Variants in MACO1 observed in about 807,000 individuals in gnomAD.
MACO1 encodes the protein macoilin 1, also known as macoilin.
Under a neutral mutation model 78.7 loss-of-function variants are expected in MACO1, and 14 were observed. The ratio of observed to expected loss-of-function variants is 0.18; its 90% CI spans 0.12 to 0.28. MACO1 has a LOEUF of 0.28. Ranked by LOEUF, MACO1 falls within the 10% of genes least tolerant of loss-of-function variation. The pLI, the probability that MACO1 is intolerant of heterozygous loss-of-function variation, is 1.00. For missense variants in MACO1, 501 were observed against 799.0 expected, an observed-to-expected ratio of 0.63 and a Z score of 4.50; for synonymous variants, 288 against 291.6, an observed-to-expected ratio of 0.99 and a Z score of 0.12.
At chr1:25,480,958 A>G (rs1216305275) in intron 6 of MACO1, among the ~76,000 whole-genome samples, 4 of 95,006 alleles carry the variant, frequency 4.2e-5, no homozygotes, top group East Asian at 3.7e-4. Flanking sequence ...ATATATATAT[A>G]TATATATATA....
At chr1:25,445,863 G>C (rs2043011320) in intron 1 of MACO1, among the ~76,000 whole-genome samples, 1 of 152,110 alleles carries the variant, frequency 6.6e-6, no homozygotes, top group Admixed American at 6.6e-5. Flanking sequence ...AGAATTGGCA[G>C]GATTAGGAGC....
chr1:25,499,524 G>A lies in MACO1; in HGVS notation c.*1058G>A, dbSNP rs2043569246. 6.7e-6 allele frequency: 1 copy of A among 148,276 alleles called. No individual in the cohort carries two copies. The highest frequency in any genetic ancestry group is 1.5e-5 in the Non-Finnish European group (1 of 67,502). The allele number at this position is 148,276 out of a possible 1,614,324, so 9.2% of individuals were successfully genotyped here. A position where few individuals can be genotyped will look rare whatever the true frequency, so the allele number is the denominator to read the frequency against. ...TCATTTTGTGTTTGATGATTTAAAA[G>A]AAGCTTGACTATTCCTCAGCTCTTG... On this transcript the variant is annotated 3_prime_UTR_variant, in exon 11 of 11. Coordinates refer to ENST00000374343, the MANE Select transcript of MACO1 (RefSeq NM_018202.6).
intron 6 of MACO1, among the ~76,000 whole-genome samples, chr1:25,475,466 C>G (rs1307429051): frequency 6.6e-6 from 1 of 150,632 alleles, no homozygotes; most frequent in Non-Finnish European, 1.5e-5. Flanking sequence ...AATCTGAACA[C>G]TTTGAGAGGC....
chr1:25,469,301 G>A (rs1043662496), intron 6 of MACO1, among the ~76,000 whole-genome samples: 4 of 152,186 alleles, frequency 2.6e-5, no homozygotes, highest in African/African-American at 9.6e-5. Context: ...TTAGTATTGT[G>A]TTGTCTGTGA....
At chr1:25,432,018 A>G (rs140623355) in intron 1 of MACO1, among the ~76,000 whole-genome samples, 2 of 152,140 alleles carry the variant, frequency 1.3e-5, no homozygotes, top group African/African-American at 2.4e-5. Context: ...GCAACTTACT[A>G]TCATAGCTTC....
chr1:25,475,550 C>CA (rs1162367298), intron 6 of MACO1, among the ~76,000 whole-genome samples: 1,732 of 56,922 alleles, frequency 0.03, 11 homozygotes, highest in Non-Finnish European at 0.047. Context: ...CCAGGCTCTA[C>CA]AAAAAAAAAA....
At chr1:25,446,077 TG>T (rs1431471498) in intron 1 of MACO1, among the ~76,000 whole-genome samples, 1 of 152,208 alleles carries the variant, frequency 6.6e-6, no homozygotes, top group Non-Finnish European at 1.5e-5. Flanking sequence ...CAGAGGGAAC[TG>T]GGAACACACA....
chr1:25,484,319 A>G, intron 7 of MACO1, 45 bp downstream of exon 7: 1 of 1,530,708 alleles, frequency 6.5e-7, no homozygotes, highest in Non-Finnish European at 8.8e-7. Context: ...CGGCAGCTTC[A>G]CTGCTTCTCC....
intron 1 of MACO1, among the ~76,000 whole-genome samples, chr1:25,444,496 C>G (rs549655506): frequency 4.6e-5 from 7 of 152,090 alleles, no homozygotes; most frequent in Middle Eastern, 3.2e-3. Context: ...GAAAAAAACT[C>G]TTAGTTTTAA....
intron 8 of MACO1, among the ~76,000 whole-genome samples, chr1:25,487,006 G>A (rs1385507203): frequency 1.3e-5 from 2 of 152,132 alleles, no homozygotes; most frequent in Non-Finnish European, 2.9e-5. Flanking sequence ...CACTCAGGAG[G>A]ACATAGCAGT....
chr1:25,451,795 G>T (rs2043068391), intron 3 of MACO1, among the ~76,000 whole-genome samples: 1 of 151,814 alleles, frequency 6.6e-6, no homozygotes, highest in South Asian at 2.1e-4. Flanking sequence ...AATCCCAGCT[G>T]CTCAGGAGGC....
intron 3 of MACO1, among the ~76,000 whole-genome samples, chr1:25,452,836 A>G (rs755546338): frequency 6.6e-6 from 1 of 151,258 alleles, no homozygotes; most frequent in African/African-American, 2.4e-5. Context: ...AACTGGAATT[A>G]CAGGTGTGCA....
intron 1 of MACO1, among the ~76,000 whole-genome samples, chr1:25,437,289 C>T (rs2042927304): frequency 1.4e-5 from 2 of 147,888 alleles, no homozygotes; most frequent in Admixed American, 6.8e-5. Flanking sequence ...CATATACTAC[C>T]ATGCCTGGCT....
chr1:25,456,527 C>T, intron 4 of MACO1, 126 bp from the exon 5 acceptor site: 2 of 969,928 alleles, frequency 2.1e-6, no homozygotes. Flanking sequence ...AGTGAATGCT[C>T]TTCTCAACTA....
At chr1:25,473,615 A>C (rs1179552638) in intron 6 of MACO1, among the ~76,000 whole-genome samples, 3 of 152,224 alleles carry the variant, frequency 2.0e-5, no homozygotes, top group African/African-American at 7.2e-5. Context: ...GCTTTGTGTT[A>C]AATTCTGAGT....
At chr1:25,474,471 T>A (rs1008667926) in intron 6 of MACO1, among the ~76,000 whole-genome samples, 1 of 152,238 alleles carries the variant, frequency 6.6e-6, no homozygotes, top group African/African-American at 2.4e-5. Context: ...CATATATTAA[T>A]GGGACCTTTT....
rs370496452 is a variant in MACO1 at position 25,471,671 on chromosome 1, G to A, written c.1155-12445G>A. 7.9e-5 allele frequency among the ~76,000 whole-genome samples: 12 copies of A among 152,270 alleles called. No homozygotes were observed. The East Asian group carries it at 1.9e-3, about 24-fold the overall frequency. On this transcript the variant is annotated intron_variant, in intron 6 of 10. Coordinates refer to ENST00000374343, the MANE Select transcript of MACO1 (RefSeq NM_018202.6). ...GGGAAAATACTAGGAAGCAGGGAGG[G>A]TGGCACCCAGTAATTTTATCACAGT...
intron 5 of MACO1, 53 bp from the exon 6 acceptor site, chr1:25,458,338 C>T (rs1396162196): frequency 1.3e-6 from 2 of 1,525,298 alleles, no homozygotes; most frequent in South Asian, 1.4e-5. Flanking sequence ...TGTTAAACAA[C>T]TAAATATTCC....
At chr1:25,455,259 ATAT>A (rs2043109338) in intron 4 of MACO1, among the ~76,000 whole-genome samples, 1 of 152,144 alleles carries the variant, frequency 6.6e-6, no homozygotes, top group Non-Finnish European at 1.5e-5. Context: ...GAATATTAAG[ATAT>A]TATTCATTTA....
Sources: gnomAD v4.1 joint callset for allele counts (sites outside exome capture counted in the v4.1 genomes callset) on GRCh38, gnomAD v4.1.1 for gene constraint, MANE v1.5 for transcripts, NCBI Gene and HGNC (gene_info 2026-07-23, HGNC 2026-07-21) for gene names.